Variants in MSANTD1 observed in about 807,000 individuals in gnomAD.
MSANTD1 encodes the protein myb/SANT-like DNA-binding domain-containing protein 1.
Under a neutral mutation model 24.2 loss-of-function variants are expected in MSANTD1, and 7 were observed. The observed-to-expected ratio is 0.29, with a 90% CI of 0.16 to 0.54. The LOEUF is 0.54. Ranked by LOEUF, MSANTD1 falls within the 20% of genes least tolerant of loss-of-function variation. The pLI, the probability that MSANTD1 is intolerant of heterozygous loss-of-function variation, is 0.94. For synonymous variants in MSANTD1, 177 were observed against 181.1 expected, an observed-to-expected ratio of 0.98 and a Z score of 0.18; for missense variants, 384 against 408.2, an observed-to-expected ratio of 0.94 and a Z score of 0.51.
chr4:3,249,485 A>G lies in MSANTD1; in HGVS notation c.263A>G (p.Glu88Gly). 6.2e-7 allele frequency: 1 copy of G among 1,612,154 alleles called. No individual in the cohort carries two copies. The highest frequency in any genetic ancestry group is 8.5e-7 in the Non-Finnish European group (1 of 1,179,714). ...MASKLFEMTG[E>G]RRLGEEIKIK... ...AGCAAGCTCTTCGAGATGACCGGCG[A>G]GCGCAGGCTGGGCGAGGAGATCAAG... is the stretch of plus-strand genomic sequence containing the variant. The change falls in exon 1 of 3, where the codon GAG (glutamate) becomes GGG (glycine). Residue 88 changes from glutamate (E) to glycine (G), a missense_variant. Transcript: ENST00000438480.
upstream of MSANTD1, chr4:3,249,149 C>T: frequency 7.8e-7 from 1 of 1,275,776 alleles, no homozygotes; most frequent in Non-Finnish European, 1.0e-6. Context: ...TAACTAAATT[C>T]CTGCCTGTCA....
intron 1 of MSANTD1, 109 bp downstream of exon 1, chr4:3,249,651 C>T (rs1047699326): frequency 1.7e-6 from 2 of 1,144,890 alleles, no homozygotes; most frequent in African/African-American, 3.1e-5. Flanking sequence ...GGGTCGTGGC[C>T]TGCCTGTCGG....
chr4:3,248,254 G>T (rs1722097856), upstream of MSANTD1: 1 of 152,292 alleles, frequency 6.6e-6, no homozygotes, highest in African/African-American at 2.4e-5. Flanking sequence ...CCTCCGGCCA[G>T]CCTGGGGGCA....
chr4:3,249,638 T>A, intron 1 of MSANTD1, 96 bp downstream of exon 1: 1 of 1,248,188 alleles, frequency 8.0e-7, no homozygotes, highest in Non-Finnish European at 1.1e-6. Context: ...CGGGACGATG[T>A]GTGGGTCGTG....
intron 2 of MSANTD1, among the ~76,000 whole-genome samples, chr4:3,254,426 C>G (rs1722324658): frequency 6.6e-6 from 1 of 152,202 alleles, no homozygotes. Flanking sequence ...GCTGTTGTTC[C>G]CGTGGACTGA....
At chr4:3,252,780 T>G (rs1221851250) in intron 1 of MSANTD1, among the ~76,000 whole-genome samples, 1 of 152,226 alleles carries the variant, frequency 6.6e-6, no homozygotes, top group Non-Finnish European at 1.5e-5. Flanking sequence ...TACAAAATAT[T>G]ATCACTATAT....
At chr4:3,244,563 C>A (rs947062143), upstream of MSANTD1, 5 of 152,292 alleles carry the variant, frequency 3.3e-5, no homozygotes, top group Admixed American at 1.3e-4. Context: ...CTGTCTGAAC[C>A]AGCGCCTACT....
upstream of MSANTD1, chr4:3,245,258 C>G (rs902027459): frequency 1.3e-5 from 2 of 152,462 alleles, no homozygotes; most frequent in Non-Finnish European, 2.9e-5. Context: ...CACAGCCTTC[C>G]TCTTCCTCAT....
intron 1 of MSANTD1, among the ~76,000 whole-genome samples, chr4:3,249,764 G>A (rs1722163298): frequency 1.3e-5 from 2 of 152,250 alleles, no homozygotes; most frequent in African/African-American, 4.8e-5. Flanking sequence ...CTGAGGCCCA[G>A]CAAGGGCAGG....
upstream of MSANTD1, chr4:3,249,027 A>G (rs2530594): frequency 0.99 from 476,189 of 478,908 alleles, 236,784 homozygotes; most frequent in East Asian, 1. Flanking sequence ...CCGTCAGTGC[A>G]GCCCTGATTC....
Position 3,253,574 on chromosome 4 carries a change from CGGCCACAGTGGTTG to C in MSANTD1, c.596+93_596+106del, listed in dbSNP as rs11275385. Reference sequence around the variant, plus strand: ...CTGGGAGTGGCAAGGCCGGCGGCGGCGGCCACAGTGGTTGCAGAGGCCGTGGCTGCGGGCAGCGC... The same window carrying C: ...CTGGGAGTGGCAAGGCCGGCGGCGGCCAGAGGCCGTGGCTGCGGGCAGCGC... On this transcript the variant is annotated intron_variant, in intron 2 of 2. Transcript: ENST00000438480. 16,124 of 1,346,696 alleles carry C rather than the reference CGGCCACAGTGGTTG, an allele frequency of 0.012. 1,384 individuals carry two copies. In the African/African-American group the frequency reaches 0.2, roughly 17 times the overall value. 83.4% of individuals were successfully genotyped at this position (1,346,696 alleles called of 1,614,324 possible).
intron 1 of MSANTD1, among the ~76,000 whole-genome samples, chr4:3,251,804 C>T (rs1722239630): frequency 6.6e-6 from 1 of 151,634 alleles, no homozygotes; most frequent in African/African-American, 2.4e-5. Context: ...AGTTTGGGGG[C>T]CTCCTACACT....
At chr4:3,249,563 G>A (rs745557205) in intron 1 of MSANTD1, 21 bp downstream of exon 1, 16 of 1,594,702 alleles carry the variant, frequency 1.0e-5, no homozygotes, top group Non-Finnish European at 1.4e-5. Flanking sequence ...GGGCAGTGTG[G>A]GCCCCACCAG....
At chr4:3,250,482 T>A (rs925095168) in intron 1 of MSANTD1, among the ~76,000 whole-genome samples, 1 of 151,912 alleles carries the variant, frequency 6.6e-6, no homozygotes, top group African/African-American at 2.4e-5. Flanking sequence ...ACAGGCAAGG[T>A]CACAGGTGCG....
chr4:3,249,159 A>G lies in MSANTD1; in HGVS notation c.-64A>G. On this transcript the variant is annotated 5_prime_UTR_variant, in exon 1 of 3. Transcript: ENST00000438480. ...GCTTTTAACTAAATTCCTGCCTGTC[A>G]GATGTAGGCCCCATTTTGAGCGTGG... 1.5e-6 allele frequency: 2 copies of G among 1,297,776 alleles called. No homozygotes were observed. The highest frequency in any genetic ancestry group is 2.0e-6 in the Non-Finnish European group (2 of 1,016,106). The allele number at this position is 1,297,776 out of a possible 1,614,324, so 80.4% of individuals were successfully genotyped here.
intron 1 of MSANTD1, among the ~76,000 whole-genome samples, 161 bp from the exon 2 acceptor site, chr4:3,253,046 T>C (rs1722276345): frequency 6.6e-6 from 1 of 152,204 alleles, no homozygotes; most frequent in South Asian, 2.1e-4. Context: ...TCCATTGTCA[T>C]CTTGACCCTG....
chr4:3,249,909 C>G (rs896326670), intron 1 of MSANTD1, among the ~76,000 whole-genome samples: 2 of 152,216 alleles, frequency 1.3e-5, no homozygotes, highest in African/African-American at 2.4e-5. Context: ...GCCCACTGAC[C>G]TCACACCCTG....
At chr4:3,247,009 C>A (rs1468053283), upstream of MSANTD1, among the ~76,000 whole-genome samples, 6 of 152,146 alleles carry the variant, frequency 3.9e-5, no homozygotes. Context: ...CCTCTAGAGC[C>A]GTCCGGTGGG....
upstream of MSANTD1, chr4:3,246,737 G>A (rs923567045): frequency 1.5e-6 from 1 of 662,610 alleles, no homozygotes; most frequent in East Asian, 2.8e-5. Flanking sequence ...CTGGGTGCCT[G>A]GTGCTGCCAT....
Sources: gnomAD v4.1 joint callset for allele counts (sites outside exome capture counted in the v4.1 genomes callset) on GRCh38, gnomAD v4.1.1 for gene constraint, MANE v1.5 for transcripts, NCBI Gene and HGNC (gene_info 2026-07-23, HGNC 2026-07-21) for gene names.